TSHZ2: variants seen among roughly 807,000 people sequenced by gnomAD.
TSHZ2 encodes the protein teashirt homolog 2.
TSHZ2 carries 21 observed loss-of-function variants against 74.4 expected under a neutral mutation model. The ratio of observed to expected loss-of-function variants is 0.28; its 90% CI spans 0.20 to 0.41. The LOEUF (loss-of-function observed/expected upper bound fraction) is 0.41, where lower values mean the gene tolerates loss of function less well. Ranked by LOEUF, TSHZ2 falls within the 10% of genes least tolerant of loss-of-function variation. TSHZ2 has a pLI of 1.00. For missense variants in TSHZ2, 1,244 were observed against 1,293.5 expected (o/e 0.96, Z 0.59); for synonymous variants, 540 against 515.3 (o/e 1.05, Z -0.65).
intron 2 of TSHZ2, among the ~76,000 whole-genome samples, chr20:53,476,318 AGT>A (rs1196276088): frequency 7.0e-6 from 1 of 143,202 alleles, no homozygotes; most frequent in Non-Finnish European, 1.5e-5. Flanking sequence ...ACCATGATCA[AGT>A]GGGCTTCATC....
At chr20:52,973,891 A>G (rs1347578302) in intron 1 of TSHZ2, among the ~76,000 whole-genome samples, 1 of 152,216 alleles carries the variant, frequency 6.6e-6, no homozygotes, top group Non-Finnish European at 1.5e-5. Context: ...TATATTTTCT[A>G]AAAGGATCCA....
intron 2 of TSHZ2, among the ~76,000 whole-genome samples, chr20:53,434,848 G>A (rs778261039): frequency 2.0e-5 from 3 of 152,238 alleles, no homozygotes; most frequent in East Asian, 1.9e-4. Context: ...CCGAGAGCAC[G>A]CGGATCTGGA....
intron 2 of TSHZ2, among the ~76,000 whole-genome samples, chr20:53,361,753 T>G (rs1347372530): frequency 2.6e-5 from 4 of 152,152 alleles, no homozygotes; most frequent in Admixed American, 6.5e-5. Context: ...CACAAGACAG[T>G]CCCACACCAT....
At chr20:53,315,401 G>A (rs902003651) in intron 2 of TSHZ2, among the ~76,000 whole-genome samples, 2 of 152,126 alleles carry the variant, frequency 1.3e-5, no homozygotes, top group African/African-American at 4.8e-5. Flanking sequence ...AACTTTCCAC[G>A]TTTTGATCCT....
chr20:53,457,990 T>C (rs2145802729), intron 2 of TSHZ2, among the ~76,000 whole-genome samples: 1 of 151,762 alleles, frequency 6.6e-6, no homozygotes, highest in South Asian at 2.1e-4. Flanking sequence ...TTTGCATCAA[T>C]GTTCATCAAG....
chr20:53,109,570 A>G (rs1049638090), intron 1 of TSHZ2, among the ~76,000 whole-genome samples: 1 of 152,192 alleles, frequency 6.6e-6, no homozygotes, highest in Non-Finnish European at 1.5e-5. Context: ...TTTTGAGCTC[A>G]TCCCTCCAGA....
chr20:53,241,440 T>C (rs899387398), intron 1 of TSHZ2, among the ~76,000 whole-genome samples: 1 of 152,188 alleles, frequency 6.6e-6, no homozygotes, highest in Non-Finnish European at 1.5e-5. Context: ...TGCTAATCCC[T>C]TTTATCATTA....
chr20:52,987,860 G>T (rs1255672743), intron 1 of TSHZ2, among the ~76,000 whole-genome samples: 1 of 152,018 alleles, frequency 6.6e-6, no homozygotes, highest in Non-Finnish European at 1.5e-5. Flanking sequence ...GAAGCAAAAG[G>T]GATCTCTCAG....
intron 1 of TSHZ2, among the ~76,000 whole-genome samples, chr20:53,058,079 C>T (rs866750656): frequency 6.6e-6 from 1 of 152,120 alleles, no homozygotes; most frequent in African/African-American, 2.4e-5. Flanking sequence ...GATCGCACAA[C>T]GTAGATCCCT....
At chr20:53,027,791 G>A (rs1027799221) in intron 1 of TSHZ2, among the ~76,000 whole-genome samples, 1 of 152,098 alleles carries the variant, frequency 6.6e-6, no homozygotes, top group African/African-American at 2.4e-5. Flanking sequence ...ACCCTGAAGG[G>A]ACTTGAAACC....
rs1473509145 is a variant in TSHZ2, at chr20:53,240,647, A to G, written c.41-12852A>G. On this transcript the variant is annotated intron_variant, in intron 1 of 2. Coordinates refer to ENST00000371497, the MANE Select transcript of TSHZ2 (RefSeq NM_173485.6). Reference sequence around the variant, plus strand: ...TTGTTTTTGGTAATTTCTCCAAGAAAAGAAAAACTATCATTTACTCCCAGA... The same window carrying G: ...TTGTTTTTGGTAATTTCTCCAAGAAGAGAAAAACTATCATTTACTCCCAGA... Among the ~76,000 whole-genome samples, 4 of 152,084 alleles carry G rather than the reference A, an allele frequency of 2.6e-5. No homozygotes were observed. The East Asian group carries it at 7.7e-4, about 29-fold the overall frequency.
At chr20:52,976,242 G>C (rs947937438) in intron 1 of TSHZ2, among the ~76,000 whole-genome samples, 2 of 152,240 alleles carry the variant, frequency 1.3e-5, no homozygotes, top group Non-Finnish European at 2.9e-5. Flanking sequence ...TCAGGGGGAA[G>C]GGATGTGAGG....
intron 1 of TSHZ2, among the ~76,000 whole-genome samples, chr20:53,047,044 G>C (rs6068437): frequency 0.26 from 39,439 of 152,092 alleles, 9,204 homozygotes; most frequent in African/African-American, 0.62. Context: ...TGCCTCATAT[G>C]AAGACACATG....
chr20:53,448,883 T>G (rs1461826028), intron 2 of TSHZ2, among the ~76,000 whole-genome samples: 1 of 152,136 alleles, frequency 6.6e-6, no homozygotes, highest in Non-Finnish European at 1.5e-5. Context: ...TTAGTGATCA[T>G]CCAGGCAAGA....
intron 1 of TSHZ2, among the ~76,000 whole-genome samples, chr20:53,170,142 T>C (rs1444202719): frequency 1.3e-5 from 2 of 152,178 alleles, no homozygotes; most frequent in Non-Finnish European, 2.9e-5. Flanking sequence ...AGGTTTTGAA[T>C]GGAGATCTAT....
At chr20:53,261,315 G>A (rs1990596282) in intron 2 of TSHZ2, among the ~76,000 whole-genome samples, 1 of 152,192 alleles carries the variant, frequency 6.6e-6, no homozygotes, top group Non-Finnish European at 1.5e-5. Context: ...GGGTGAAGCA[G>A]AACATCCTTG....
intron 1 of TSHZ2, among the ~76,000 whole-genome samples, chr20:53,119,021 A>G (rs980782063): frequency 6.6e-6 from 1 of 152,078 alleles, no homozygotes; most frequent in African/African-American, 2.4e-5. Context: ...AGAACTCACT[A>G]TCATTAGAAC....
chr20:52,981,488 G>A (rs1332177458), intron 1 of TSHZ2, among the ~76,000 whole-genome samples: 2 of 152,208 alleles, frequency 1.3e-5, no homozygotes, highest in African/African-American at 4.8e-5. Context: ...AGGCACCACA[G>A]GGATACGAGG....
Position 53,008,980 on chromosome 20 carries a change from CCTCTCTCTCTCTCTCTCTCT to C in TSHZ2, c.40+35679_40+35698del, listed in dbSNP as rs55692015. On this transcript the variant is annotated intron_variant, in intron 1 of 2. Transcript: ENST00000371497. Reference sequence around the variant, plus strand: ...GAAGTTATTTGAATGTTGTCTTTCTCCTCTCTCTCTCTCTCTCTCTCTCTCTCTCTCTCTCTCTCTCTCTC... The same window carrying C: ...GAAGTTATTTGAATGTTGTCTTTCTCCTCTCTCTCTCTCTCTCTCTCTCTC... 8.5e-3 allele frequency among the ~76,000 whole-genome samples: 1,109 copies of C among 130,414 alleles called. 9 individuals are homozygous for C. The highest frequency in any genetic ancestry group is 0.025 in the African/African-American group (785 of 31,896). The allele number at this position is 130,414 out of a possible 152,430, so 85.6% of individuals were successfully genotyped here.
Sources: gnomAD v4.1 joint callset for allele counts (sites outside exome capture counted in the v4.1 genomes callset) on GRCh38, gnomAD v4.1.1 for gene constraint, MANE v1.5 for transcripts, NCBI Gene and HGNC (gene_info 2026-07-23, HGNC 2026-07-21) for gene names.